ZDHHC21: variants seen among roughly 807,000 people sequenced by gnomAD.
ZDHHC21 encodes palmitoyltransferase ZDHHC21.
ZDHHC21 carries 15 observed loss-of-function variants against 34.6 expected under a neutral mutation model. The observed-to-expected ratio is 0.43, with a 90% CI of 0.29 to 0.67. ZDHHC21 has a LOEUF of 0.67. Ranked by LOEUF, ZDHHC21 falls within the 30% of genes least tolerant of loss-of-function variation. The pLI is 0.14. For synonymous variants in ZDHHC21, 142 were observed against 101.8 expected (o/e 1.40, Z -2.38); for missense variants, 344 against 327.7 (o/e 1.05, Z -0.38).
intron 7 of ZDHHC21, 27 bp downstream of exon 7, chr9:14,658,722 C>A: frequency 6.2e-7 from 1 of 1,605,970 alleles, no homozygotes; most frequent in South Asian, 1.1e-5. Flanking sequence ...CCGCCCGCCT[C>A]GGCCTCCCAA....
chr9:14,633,990 G>C (rs985979191), intron 8 of ZDHHC21, among the ~76,000 whole-genome samples: 8 of 152,120 alleles, frequency 5.3e-5, no homozygotes, highest in Non-Finnish European at 8.8e-5. Context: ...CTGAGGCTAG[G>C]TCTCCCCAAC....
Position 14,658,733 on chromosome 9 carries a change from T to C in ZDHHC21, c.504+16A>G, listed in dbSNP as rs1389289301. 2 of 1,611,910 alleles carry C rather than the reference T, an allele frequency of 1.2e-6. No homozygotes were observed. The highest frequency in any genetic ancestry group is 1.7e-6 in the Non-Finnish European group (2 of 1,178,918). ...TGATCCGCCCGCCTCGGCCTCCCAA[T>C]ATAAACATTTCTTACCAAATTACGC... On this transcript the variant is annotated intron_variant, in intron 7 of 9. Transcript: ENST00000380916.
chr9:14,609,462 GACA>G (rs1245375062), downstream of ZDHHC21, among the ~76,000 whole-genome samples: 1 of 152,040 alleles, frequency 6.6e-6, no homozygotes, highest in African/African-American at 2.4e-5. Context: ...TCACTTCAAG[GACA>G]ACTACTGACA....
chr9:14,656,633 A>T (rs1024055802), intron 7 of ZDHHC21, among the ~76,000 whole-genome samples: 7 of 151,972 alleles, frequency 4.6e-5, no homozygotes, highest in African/African-American at 1.7e-4. Context: ...CAAGGAAACC[A>T]TAAGACTTAG....
At chr9:14,660,248 C>G (rs1238042191) in intron 6 of ZDHHC21, among the ~76,000 whole-genome samples, 6 of 151,780 alleles carry the variant, frequency 4.0e-5, no homozygotes, top group Non-Finnish European at 7.4e-5. Flanking sequence ...CACTTGTAAT[C>G]CCAGCTACTC....
intron 3 of ZDHHC21, among the ~76,000 whole-genome samples, chr9:14,676,565 C>A (rs2382491): frequency 0.91 from 138,658 of 152,014 alleles, 63,481 homozygotes; most frequent in Non-Finnish European, 0.96. Context: ...AGTTTAAATC[C>A]GGTATGTTCT....
intron 3 of ZDHHC21, among the ~76,000 whole-genome samples, 197 bp downstream of exon 3, chr9:14,679,836 A>G (rs774644775): frequency 1.3e-5 from 2 of 152,140 alleles, no homozygotes; most frequent in African/African-American, 2.4e-5. Context: ...TATTATTTAC[A>G]GATTATTTTT....
At chr9:14,608,263 G>A (rs796800434), downstream of ZDHHC21, among the ~76,000 whole-genome samples, 5 of 152,206 alleles carry the variant, frequency 3.3e-5, no homozygotes, top group African/African-American at 1.2e-4. Flanking sequence ...TCTCCATCTC[G>A]TACTAGGTAC....
chr9:14,628,587 A>G (rs74715736), intron 8 of ZDHHC21, among the ~76,000 whole-genome samples: 1 of 141,104 alleles, frequency 7.1e-6, no homozygotes, highest in Non-Finnish European at 1.6e-5. Flanking sequence ...AAGAGTAGGG[A>G]AAAAGTAAGA....
At chr9:14,684,584 T>C in intron 2 of ZDHHC21, among the ~76,000 whole-genome samples, 1 of 151,772 alleles carries the variant, frequency 6.6e-6, no homozygotes, top group Non-Finnish European at 1.5e-5. Context: ...CATTCCATGC[T>C]CATGGGTAGG....
At chr9:14,672,639 A>G (rs1835676958) in intron 5 of ZDHHC21, among the ~76,000 whole-genome samples, 191 bp downstream of exon 5, 1 of 152,064 alleles carries the variant, frequency 6.6e-6, no homozygotes, top group African/African-American at 2.4e-5. Context: ...GGGTGTGGTG[A>G]AACTGCCGGG....
chr9:14,600,898 G>T, the ZDHHC21 span, among the ~76,000 whole-genome samples: 1 of 152,088 alleles, frequency 6.6e-6, no homozygotes, highest in Admixed American at 6.5e-5. Context: ...CAAGCAATGG[G>T]GAAAGGATTC....
At chr9:14,622,503 G>C (rs1042304728) in intron 8 of ZDHHC21, 2 of 984,800 alleles carry the variant, frequency 2.0e-6, no homozygotes, top group Non-Finnish European at 2.4e-6. Context: ...GGGATAAAGA[G>C]CAAGAATTTA....
intron 2 of ZDHHC21, among the ~76,000 whole-genome samples, chr9:14,689,213 A>C (rs1367064948): frequency 6.6e-6 from 1 of 152,236 alleles, no homozygotes; most frequent in East Asian, 1.9e-4. Context: ...CTTTAAGAAG[A>C]AAACCGAAAA....
intron 8 of ZDHHC21, among the ~76,000 whole-genome samples, chr9:14,620,173 C>G (rs948421052): frequency 6.6e-6 from 1 of 152,014 alleles, no homozygotes; most frequent in African/African-American, 2.4e-5. Context: ...CATATTACAA[C>G]ATCTATTATT....
downstream of ZDHHC21, among the ~76,000 whole-genome samples, chr9:14,608,207 T>C (rs1351219392): frequency 6.6e-6 from 1 of 152,190 alleles, no homozygotes; most frequent in African/African-American, 2.4e-5. Context: ...TGGTCCTGAC[T>C]TCAGCTAGGA....
At chr9:14,599,640 G>T in the ZDHHC21 span, among the ~76,000 whole-genome samples, 1 of 151,996 alleles carries the variant, frequency 6.6e-6, no homozygotes, top group Non-Finnish European at 1.5e-5. Flanking sequence ...TGAAGCCAGG[G>T]TGCCAAGTGA....
intron 3 of ZDHHC21, among the ~76,000 whole-genome samples, chr9:14,674,635 G>A (rs1438875869): frequency 3.3e-5 from 5 of 151,926 alleles, no homozygotes; most frequent in African/African-American, 1.2e-4. Context: ...GTTTCACTAT[G>A]AACTGCTATC....
At chr9:14,607,337 G>T (rs139661784), downstream of ZDHHC21, among the ~76,000 whole-genome samples, 23 of 152,254 alleles carry the variant, frequency 1.5e-4, no homozygotes, top group African/African-American at 5.5e-4. Context: ...CCAGGAGGTG[G>T]AGGCTGCAGT....
Sources: allele counts gnomAD v4.1 joint callset (sites outside exome capture counted in the v4.1 genomes callset), GRCh38; gene constraint gnomAD v4.1.1; transcripts MANE v1.5; gene names NCBI Gene and HGNC (gene_info 2026-07-23, HGNC 2026-07-21).